APBB2: variants seen among roughly 807,000 people sequenced by gnomAD.
APBB2 encodes Fe65-like 1.
Under a neutral mutation model 82.5 loss-of-function variants are expected in APBB2, and 38 were observed. That is an observed-to-expected ratio of 0.46 (90% CI 0.36 to 0.60). The LOEUF is 0.60. APBB2 is among the 20% of genes least tolerant of loss of function. The pLI, the probability that APBB2 is intolerant of heterozygous loss-of-function variation, is 0.00. For synonymous variants in APBB2, 341 were observed against 368.2 expected (o/e 0.93, Z 0.85); for missense variants, 772 against 972.3 (o/e 0.79, Z 2.74).
chr4:40,924,729 C>T (rs1374840335), intron 10 of APBB2, among the ~76,000 whole-genome samples: 3 of 152,176 alleles, frequency 2.0e-5, no homozygotes, highest in African/African-American at 4.8e-5. Context: ...GGAACTGCAC[C>T]GCCAAACCCT....
chr4:40,975,141 T>C (rs1412208841), intron 6 of APBB2, among the ~76,000 whole-genome samples: 1 of 152,180 alleles, frequency 6.6e-6, no homozygotes, highest in Non-Finnish European at 1.5e-5. Flanking sequence ...TCTATCAGCT[T>C]ATTTTTTCTG....
At chr4:41,027,842 G>C (rs968565136) in intron 5 of APBB2, among the ~76,000 whole-genome samples, 2 of 152,224 alleles carry the variant, frequency 1.3e-5, no homozygotes, top group African/African-American at 4.8e-5. Flanking sequence ...TGGATTCCTG[G>C]CAGGTGGATG....
intron 10 of APBB2, among the ~76,000 whole-genome samples, chr4:40,927,290 A>C (rs1355902997): frequency 6.6e-6 from 1 of 152,234 alleles, no homozygotes; most frequent in Non-Finnish European, 1.5e-5. Flanking sequence ...CGTGTTATAC[A>C]CTGAGACAGA....
At chr4:40,955,037 T>C (rs1378848814) in intron 6 of APBB2, among the ~76,000 whole-genome samples, 1 of 152,224 alleles carries the variant, frequency 6.6e-6, no homozygotes, top group Non-Finnish European at 1.5e-5. Flanking sequence ...CATTCATTCA[T>C]CCACTTACTC....
chr4:40,863,130 T>C (rs1303259642), intron 12 of APBB2, among the ~76,000 whole-genome samples: 1 of 152,204 alleles, frequency 6.6e-6, no homozygotes, highest in Non-Finnish European at 1.5e-5. Context: ...CTGAGCTCCT[T>C]GAAGGCAGCA....
At chr4:41,124,789 C>CG (rs1445768064) in intron 2 of APBB2, among the ~76,000 whole-genome samples, 1 of 152,214 alleles carries the variant, frequency 6.6e-6, no homozygotes, top group African/African-American at 2.4e-5. Flanking sequence ...TCTTCTAAGA[C>CG]TATCCTTCCA....
intron 6 of APBB2, among the ~76,000 whole-genome samples, chr4:41,012,829 A>G (rs746341695): frequency 2.5e-4 from 38 of 152,212 alleles, no homozygotes; most frequent in Non-Finnish European, 4.3e-4. Context: ...TTTCAATCTT[A>G]GAATCAGTAT....
chr4:40,949,685 A>C (rs1164292723), intron 6 of APBB2, among the ~76,000 whole-genome samples: 4 of 152,194 alleles, frequency 2.6e-5, no homozygotes, highest in African/African-American at 9.7e-5. Context: ...TTTTGTTCTC[A>C]GAAAATTACT....
Position 41,185,772 on chromosome 4 carries a change from C to G in APBB2, c.-417+28633G>C, listed in dbSNP as rs145119248. ...AATAAAGCTGATTTCTACCTGGTCA[C>G]GTACTTCATGCCAATTCCATCAGAA... On this transcript the variant is annotated intron_variant, in intron 1 of 17. Coordinates refer to ENST00000508593, the MANE Select transcript of APBB2 (RefSeq NM_004307.2). Among the ~76,000 whole-genome samples, 52 of 152,282 alleles carry G rather than the reference C, an allele frequency of 3.4e-4. No individual in the cohort carries two copies. The East Asian group carries it at 8.5e-3, about 25-fold the overall frequency.
intron 3 of APBB2, among the ~76,000 whole-genome samples, chr4:41,090,910 C>T (rs1741462084): frequency 1.3e-5 from 2 of 152,194 alleles, no homozygotes; most frequent in South Asian, 4.1e-4. Context: ...AGGAAGACTG[C>T]AGTCTCTCTC....
rs764196655 is a variant in APBB2 at position 40,826,713 on chromosome 4, TCTGTAA to T, written c.1732+413_1732+418del. On this transcript the variant is annotated intron_variant, in intron 14 of 17. Transcript: ENST00000508593. This position sits in a 1 kb window ranked among gnomAD's most constrained non-coding sequence, Gnocchi z 4.5. ...AGAATGAGGAGCACAAGGAGGTCGA[TCTGTAA>T]CTGGCTGAACCATCAACTGAGGTAA... The T allele has an allele frequency of 4.3e-4, 71 of 165,966 alleles. No individual in the cohort carries two copies. The highest frequency in any genetic ancestry group is 6.8e-4 in the Non-Finnish European group (52 of 76,956). The allele number at this position is 165,966 out of a possible 1,614,324, so 10.3% of individuals were successfully genotyped here. A position where few individuals can be genotyped will look rare whatever the true frequency, so the allele number is the denominator to read the frequency against.
chr4:40,987,349 T>C (rs143837739), intron 6 of APBB2, among the ~76,000 whole-genome samples: 1 of 152,338 alleles, frequency 6.6e-6, no homozygotes, highest in African/African-American at 2.4e-5. Flanking sequence ...GTTTTCTTTC[T>C]CAGTTTAGCA....
At chr4:40,942,034 G>T (rs1787125980) in intron 7 of APBB2, among the ~76,000 whole-genome samples, 1 of 152,170 alleles carries the variant, frequency 6.6e-6, no homozygotes, top group Non-Finnish European at 1.5e-5. Context: ...TGGTGACAGG[G>T]TCTGCACATC....
chr4:40,924,435 G>A (rs1023094963), intron 10 of APBB2, among the ~76,000 whole-genome samples: 2 of 152,198 alleles, frequency 1.3e-5, no homozygotes, highest in Non-Finnish European at 2.9e-5. Flanking sequence ...ATCAAGAAGT[G>A]GAGTCTGACA....
chr4:40,854,790 CAAAAA>C (rs80240731), intron 12 of APBB2, among the ~76,000 whole-genome samples: 45 of 124,816 alleles, frequency 3.6e-4, no homozygotes, highest in East Asian at 1.1e-3. Context: ...AGTCCATCTC[CAAAAA>C]AAAAAAAAAA....
In APBB2 at chr4:40,832,382, C is replaced by T. The variant is rs1397284187; in HGVS notation, c.1530-1805G>A. 6.6e-6 allele frequency among the ~76,000 whole-genome samples: 1 copy of T among 152,192 alleles called. No individual in the cohort carries two copies. Among genetic ancestry groups the T allele is most frequent in the Admixed American group, 6.5e-5 (1 of 15,272 alleles). ...AAGCCCAGGCTCCAGCTCAGCAGCA[C>T]CTCACCTGGCTGCCCCATGACGCTT... On this transcript the variant is annotated intron_variant, in intron 12 of 17. Coordinates refer to ENST00000508593, the MANE Select transcript of APBB2 (RefSeq NM_004307.2). This position sits in a 1 kb window ranked among gnomAD's most constrained non-coding sequence, Gnocchi z 4.8.
chr4:41,086,591 A>C (rs1739768397), intron 3 of APBB2, among the ~76,000 whole-genome samples: 2 of 152,220 alleles, frequency 1.3e-5, no homozygotes, highest in Admixed American at 6.5e-5. Context: ...TGATACAAAA[A>C]GAGCATTTGA....
rs1007660279 is a variant in APBB2 at position 40,811,011 on chromosome 4, G to A, written c.*5081C>T. On this transcript the variant is annotated 3_prime_UTR_variant, in exon 18 of 18. Transcript: ENST00000508593. The stretch of plus-strand genomic sequence containing the variant: ...TATTTTCAAGTGTATTTTCTGTGAT[G>A]TTGTCTCATTGTTATGGAATAGTTT... 6.6e-6 allele frequency: 1 copy of A among 152,162 alleles called. No homozygotes were observed. Among genetic ancestry groups the A allele is most frequent in the African/African-American group, 2.4e-5 (1 of 41,434 alleles). 9.4% of individuals were successfully genotyped at this position (152,162 alleles called of 1,614,324 possible). A position where few individuals can be genotyped will look rare whatever the true frequency, so the allele number is the denominator to read the frequency against.
In APBB2 at chr4:40,877,537, T is replaced by C. The variant is rs560479292; in HGVS notation, c.1529+12827A>G. Among the ~76,000 whole-genome samples, 9 of 152,340 alleles carry C rather than the reference T, an allele frequency of 5.9e-5. No homozygotes were observed. The South Asian group carries it at 1.9e-3, about 32-fold the overall frequency. The stretch of plus-strand genomic sequence containing the variant: ...ATACTTTCAATCTGAACTAAATCTC[T>C]ATTTCACAGATTTGGTAATCAAAGA... On this transcript the variant is annotated intron_variant, in intron 12 of 17. Transcript: ENST00000508593.
Sources: allele counts gnomAD v4.1 joint callset (sites outside exome capture counted in the v4.1 genomes callset), GRCh38; gene constraint gnomAD v4.1.1; non-coding constraint Gnocchi (gnomAD v3.1); transcripts MANE v1.5; gene names NCBI Gene and HGNC (gene_info 2026-07-23, HGNC 2026-07-21).